The following FAM133A variants were observed in gnomAD, a reference collection of about 807,000 sequenced individuals.
FAM133A encodes the protein protein FAM133A.
For synonymous variants in FAM133A, 65 were observed against 58.6 expected, an observed-to-expected ratio of 1.11 and a Z score of -0.50; for missense variants, 159 against 164.4, an observed-to-expected ratio of 0.97 and a Z score of 0.18.
chrX:93,708,234 G>C (rs1781161129), intron 3 of FAM133A, among the ~76,000 whole-genome samples: 1 of 111,811 alleles, frequency 8.9e-6, no homozygotes, highest in Non-Finnish European at 1.9e-5. Context: ...CCTATAATTC[G>C]GCATGTTCCA....
At chrX:93,704,972 A>G (rs186511178) in intron 3 of FAM133A, among the ~76,000 whole-genome samples, 46 of 110,933 alleles carry the variant, frequency 4.1e-4, no homozygotes, top group Non-Finnish European at 3.8e-5. Flanking sequence ...CTCAGATGAT[A>G]TGTCAGTGTC....
At chrX:93,698,256 T>G (rs1926444543) in intron 2 of FAM133A, 141 bp from the exon 3 acceptor site, 1 of 112,091 alleles carries the variant, frequency 8.9e-6, no homozygotes, top group South Asian at 3.7e-4. Context: ...AACAGTATTT[T>G]CTTGTGGTCA....
At chrX:93,701,400 A>T (rs1203845605) in intron 3 of FAM133A, among the ~76,000 whole-genome samples, 4 of 112,061 alleles carry the variant, frequency 3.6e-5, no homozygotes, top group Non-Finnish European at 7.5e-5. Flanking sequence ...AATAGGAACT[A>T]GGACAATGGG....
At chrX:93,676,680 A>G (rs1404365679) in intron 2 of FAM133A, among the ~76,000 whole-genome samples, 2 of 107,409 alleles carry the variant, frequency 1.9e-5, no homozygotes, top group East Asian at 2.9e-4. Context: ...ACAGATTACT[A>G]CTTAACCACT....
chrX:93,684,124 T>G (rs1925353774), intron 2 of FAM133A, among the ~76,000 whole-genome samples: 1 of 112,036 alleles, frequency 8.9e-6, no homozygotes, highest in Admixed American at 9.5e-5. Flanking sequence ...TCTAATAGAT[T>G]TATAGTCTTG....
intron 3 of FAM133A, among the ~76,000 whole-genome samples, chrX:93,703,768 A>G (rs963390105): frequency 2.7e-5 from 3 of 112,123 alleles, no homozygotes; most frequent in African/African-American, 9.7e-5. Flanking sequence ...CTATCTTATC[A>G]CTTGCATCTA....
intron 3 of FAM133A, among the ~76,000 whole-genome samples, chrX:93,700,158 A>G (rs1926597042): frequency 9.1e-6 from 1 of 110,332 alleles, no homozygotes; most frequent in Non-Finnish European, 1.9e-5. Flanking sequence ...GTTTTATGGA[A>G]TCTTCCACAT....
chrX:93,679,660 A>T (rs1924967083), intron 2 of FAM133A, among the ~76,000 whole-genome samples: 1 of 110,744 alleles, frequency 9.0e-6, no homozygotes, highest in African/African-American at 3.3e-5. Context: ...AAGCATTTTA[A>T]CATATATATT....
At chrX:93,684,513 A>T (rs770739378) in intron 2 of FAM133A, among the ~76,000 whole-genome samples, 78 of 111,975 alleles carry the variant, frequency 7.0e-4, no homozygotes, top group Non-Finnish European at 1.3e-3. Context: ...TATGTAAAAA[A>T]GATGTCCATA....
chrX:93,703,658 T>C (rs1243072384), intron 3 of FAM133A, among the ~76,000 whole-genome samples: 3 of 112,619 alleles, frequency 2.7e-5, no homozygotes, highest in African/African-American at 9.7e-5. Context: ...AATGTCTTAC[T>C]ATATTAAGGT....
At chrX:93,691,005 G>A (rs769693152) in intron 2 of FAM133A, among the ~76,000 whole-genome samples, 40 of 111,504 alleles carry the variant, frequency 3.6e-4, no homozygotes, top group African/African-American at 1.2e-3. Flanking sequence ...CAAGTTATTT[G>A]CCAATTTTTA....
intron 2 of FAM133A, among the ~76,000 whole-genome samples, chrX:93,689,048 CA>C (rs1199954698): frequency 1.5e-5 from 1 of 67,144 alleles, no homozygotes; most frequent in Non-Finnish European, 2.9e-5. Context: ...TAGGTAACAG[CA>C]ATTTTTTTTT....
intron 2 of FAM133A, among the ~76,000 whole-genome samples, chrX:93,689,874 G>T (rs764883640): frequency 5.4e-5 from 6 of 111,310 alleles, no homozygotes; most frequent in Non-Finnish European, 1.1e-4. Context: ...TTTAATGTGG[G>T]ATTAAGATAA....
At chrX:93,701,441 G>T (rs1199116602) in intron 3 of FAM133A, among the ~76,000 whole-genome samples, 1 of 111,287 alleles carries the variant, frequency 9.0e-6, no homozygotes, top group Admixed American at 9.5e-5. Flanking sequence ...TTATTTGTTT[G>T]GGGTGTATTT....
intron 2 of FAM133A, among the ~76,000 whole-genome samples, chrX:93,695,634 CTTTTTTTT>C (rs759503397): frequency 2.1e-5 from 1 of 48,369 alleles, no homozygotes; most frequent in Admixed American, 3.5e-4. Context: ...CAGGAATCTG[CTTTTTTTT>C]TTTTTTTTTT....
chrX:93,700,880 G>T (rs1003233022), intron 3 of FAM133A, among the ~76,000 whole-genome samples: 1 of 111,380 alleles, frequency 9.0e-6, no homozygotes, highest in Non-Finnish European at 1.9e-5. Context: ...GTGGCAGTTT[G>T]CAGAAGGCAC....
At position 93,698,296 on chromosome X, in the gene FAM133A, TG is replaced by T. The variant is rs773010844; in HGVS notation, c.-192-100del. 1.5e-4 allele frequency: 17 copies of T among 112,172 alleles called. No homozygotes were observed. In the Admixed American group the frequency reaches 1.6e-3, roughly 11 times the overall value. 9.2% of individuals were successfully genotyped at this position (112,172 alleles called of 1,213,427 possible). On this transcript the variant is annotated intron_variant, in intron 2 of 3. Transcript: ENST00000683942. The stretch of plus-strand genomic sequence containing the variant: ...CCTCCTCAAATTTTCTTACATTTTT[TG>T]TTACTCTAAGTTTTAGTTCTGTAAC...
chrX:93,694,015 T>A (rs961730147), intron 2 of FAM133A, among the ~76,000 whole-genome samples: 1 of 110,959 alleles, frequency 9.0e-6, no homozygotes, highest in Non-Finnish European at 1.9e-5. Flanking sequence ...ATATTTTTTT[T>A]AAAGGGAAAG....
rs768445815 is a variant in FAM133A at position 93,689,781 on chromosome X, C to T, written c.-192-8616C>T. ...AGCACCTATGCATAAGGATATCAAACGAGCAAGACTTATTTGATGAGACAA... is the reference window on the plus strand; with the variant it reads ...AGCACCTATGCATAAGGATATCAAATGAGCAAGACTTATTTGATGAGACAA... On this transcript the variant is annotated intron_variant, in intron 2 of 3. Transcript: ENST00000683942. Among the ~76,000 whole-genome samples, 9 of 110,575 alleles carry T rather than the reference C, an allele frequency of 8.1e-5. No individual in the cohort carries two copies. The South Asian group carries it at 1.5e-3, about 19-fold the overall frequency.
Sources: gnomAD v4.1 joint callset for allele counts (sites outside exome capture counted in the v4.1 genomes callset) on GRCh38, gnomAD v4.1.1 for gene constraint, MANE v1.5 for transcripts, NCBI Gene and HGNC (gene_info 2026-07-23, HGNC 2026-07-21) for gene names.